SLC6A5: variants seen among roughly 807,000 people sequenced by gnomAD.
SLC6A5 encodes the protein sodium- and chloride-dependent glycine transporter 2.
SLC6A5 carries 58 observed loss-of-function variants against 90.5 expected under a neutral mutation model. The observed-to-expected ratio is 0.64, with a 90% CI of 0.52 to 0.80. The LOEUF is 0.80. Among genes scored for constraint, SLC6A5 ranks in the 30% least tolerant of loss-of-function variants. The probability of loss-of-function intolerance (pLI) is 0.00; values close to 1 mark genes in which losing one functional copy is unlikely to be tolerated. For missense variants in SLC6A5, 1,015 were observed against 1,017.6 expected (o/e 1.00, Z 0.03); for synonymous variants, 427 against 401.4 (o/e 1.06, Z -0.76).
chr11:20,650,156 G>C (rs1565290446), intron 14 of SLC6A5, among the ~76,000 whole-genome samples: 2 of 152,180 alleles, frequency 1.3e-5, no homozygotes, highest in Non-Finnish European at 2.9e-5. Flanking sequence ...TAGGAAGAGA[G>C]GGGTGGGGAG....
chr11:20,624,442 G>A (rs1245901817), intron 7 of SLC6A5, among the ~76,000 whole-genome samples: 2 of 151,888 alleles, frequency 1.3e-5, no homozygotes, highest in Admixed American at 1.3e-4. Context: ...GTGAGCCAAC[G>A]CTCCCGGCCC....
At chr11:20,625,341 A>G (rs1241934012) in intron 7 of SLC6A5, among the ~76,000 whole-genome samples, 1 of 152,084 alleles carries the variant, frequency 6.6e-6, no homozygotes, top group Non-Finnish European at 1.5e-5. Context: ...TGCTCACTGC[A>G]ACCTCCGCCT....
At chr11:20,647,380 A>G (rs922465627) in intron 14 of SLC6A5, among the ~76,000 whole-genome samples, 1 of 141,810 alleles carries the variant, frequency 7.1e-6, no homozygotes, top group African/African-American at 2.6e-5. Flanking sequence ...ATATATTCCT[A>G]TTATATAGTT....
intron 10 of SLC6A5, among the ~76,000 whole-genome samples, chr11:20,635,058 C>T (rs531810598): frequency 2.6e-5 from 4 of 152,218 alleles, no homozygotes; most frequent in African/African-American, 9.6e-5. Flanking sequence ...GCTCAGACTT[C>T]CCCACCAAGA....
chr11:20,628,618 A>G (rs1463698714), intron 9 of SLC6A5, among the ~76,000 whole-genome samples: 1 of 152,156 alleles, frequency 6.6e-6, no homozygotes, highest in Non-Finnish European at 1.5e-5. Flanking sequence ...TTTGGTAGTG[A>G]TAGGGGAGTG....
chr11:20,636,005 C>T (rs1853198158), intron 10 of SLC6A5, among the ~76,000 whole-genome samples: 1 of 152,194 alleles, frequency 6.6e-6, no homozygotes, highest in African/African-American at 2.4e-5. Context: ...ATCCTATGTA[C>T]ATGGTACACA....
intron 7 of SLC6A5, among the ~76,000 whole-genome samples, chr11:20,625,263 T>C (rs572318760): frequency 2.0e-5 from 3 of 152,230 alleles, no homozygotes; most frequent in Admixed American, 2.0e-4. Flanking sequence ...CAAATGTTTC[T>C]TTCTTTCTTT....
At chr11:20,636,023 C>T (rs374299997) in intron 10 of SLC6A5, among the ~76,000 whole-genome samples, 6 of 152,298 alleles carry the variant, frequency 3.9e-5, no homozygotes, top group South Asian at 2.1e-4. Context: ...ACAGCCTAGC[C>T]GTGGAGTCCA....
intron 13 of SLC6A5, among the ~76,000 whole-genome samples, chr11:20,639,848 A>C (rs540765508): frequency 1.3e-5 from 2 of 152,238 alleles, no homozygotes; most frequent in South Asian, 4.2e-4. Context: ...CACTGCAGGG[A>C]GAGTTTAGTT....
chr11:20,630,481 C>T (rs1306426984), intron 9 of SLC6A5, among the ~76,000 whole-genome samples: 1 of 152,240 alleles, frequency 6.6e-6, no homozygotes, highest in Non-Finnish European at 1.5e-5. Flanking sequence ...GGCCCACAGG[C>T]CCTGAATCAG....
Position 20,607,659 on chromosome 11 carries a change from T to C in SLC6A5, c.985+7T>C, listed in dbSNP as rs754677891. ...AAAACCAAACTTTTATTAGGTAAGT[T>C]TGGAAATACCTGCTTTAGGTGTGTG... is the stretch of plus-strand genomic sequence containing the variant. On this transcript the variant is annotated splice_region_variant and intron_variant, in intron 5 of 15. Coordinates refer to ENST00000525748, the MANE Select transcript of SLC6A5 (RefSeq NM_004211.5). 7 of 1,611,056 alleles carry C rather than the reference T, an allele frequency of 4.3e-6. No homozygotes were observed. The East Asian group carries it at 1.3e-4, about 31-fold the overall frequency.
At chr11:20,618,190 G>A (rs576816380) in intron 7 of SLC6A5, among the ~76,000 whole-genome samples, 1 of 152,272 alleles carries the variant, frequency 6.6e-6, no homozygotes, top group South Asian at 2.1e-4. Flanking sequence ...TTCAGCAGAA[G>A]GAACCTCCCT....
chr11:20,643,154 G>T (rs541168084), intron 13 of SLC6A5, among the ~76,000 whole-genome samples: 2 of 152,000 alleles, frequency 1.3e-5, no homozygotes, highest in Non-Finnish European at 2.9e-5. Context: ...ATCTCTTGGG[G>T]ATGGTTTCAT....
chr11:20,617,645 G>T, intron 6 of SLC6A5, 107 bp from the exon 7 acceptor site: 1 of 970,744 alleles, frequency 1.0e-6, no homozygotes, highest in South Asian at 1.3e-5. Flanking sequence ...GGATGCTGGG[G>T]TTTTGTGCAA....
chr11:20,650,689 TGG>T (rs1853510331), intron 14 of SLC6A5, among the ~76,000 whole-genome samples: 1 of 117,950 alleles, frequency 8.5e-6, no homozygotes, highest in Non-Finnish European at 1.6e-5. Context: ...TTTTTTGAGA[TGG>T]AGTCTCGCTC....
At chr11:20,632,375 G>T (rs1210340078) in intron 10 of SLC6A5, among the ~76,000 whole-genome samples, 5 of 152,116 alleles carry the variant, frequency 3.3e-5, no homozygotes, top group Non-Finnish European at 7.4e-5. Flanking sequence ...TCCAGGAAAC[G>T]GATTTCTGGG....
intron 14 of SLC6A5, among the ~76,000 whole-genome samples, chr11:20,650,795 T>G (rs1380586575): frequency 1.3e-5 from 2 of 151,290 alleles, no homozygotes; most frequent in East Asian, 4.0e-4. Flanking sequence ...GCCTCCTGAG[T>G]AGCTCGGACT....
intron 13 of SLC6A5, among the ~76,000 whole-genome samples, chr11:20,641,650 T>G (rs991646465): frequency 6.6e-6 from 1 of 152,206 alleles, no homozygotes; most frequent in Non-Finnish European, 1.5e-5. Flanking sequence ...TTTCAGGGTG[T>G]AGTGTTCCCT....
chr11:20,608,407 C>T (rs1286173114), intron 5 of SLC6A5, among the ~76,000 whole-genome samples: 3 of 152,188 alleles, frequency 2.0e-5, no homozygotes, highest in Non-Finnish European at 4.4e-5. Flanking sequence ...TCTTTCTGGT[C>T]TATACCTCTG....
Sources: gnomAD v4.1 joint callset for allele counts (sites outside exome capture counted in the v4.1 genomes callset) on GRCh38, gnomAD v4.1.1 for gene constraint, MANE v1.5 for transcripts, NCBI Gene and HGNC (gene_info 2026-07-23, HGNC 2026-07-21) for gene names.